FGF14: variants seen among roughly 807,000 people sequenced by gnomAD.
The protein encoded by FGF14 is fibroblast growth factor homologous factor 4.
In FGF14, 5 loss-of-function variants were observed where a neutral mutation model predicts 25.5. The ratio of observed to expected loss-of-function variants is 0.20; its 90% CI spans 0.10 to 0.41. The LOEUF (loss-of-function observed/expected upper bound fraction) is 0.41. Ranked by LOEUF, FGF14 falls within the 10% of genes least tolerant of loss-of-function variation. The probability of loss-of-function intolerance (pLI) is 1.00; values close to 1 mark genes in which losing one functional copy is unlikely to be tolerated. For synonymous variants in FGF14, 138 were observed against 118.3 expected (o/e 1.17, Z -1.08); for missense variants, 222 against 320.1 (o/e 0.69, Z 2.34).
At chr13:101,731,083 G>C (rs925545650) in intron 3 of FGF14, among the ~76,000 whole-genome samples, 1 of 152,136 alleles carries the variant, frequency 6.6e-6, no homozygotes, top group African/African-American at 2.4e-5. Context: ...GGAAGCCTGT[G>C]AGCCTTCAGT....
intron 3 of FGF14, among the ~76,000 whole-genome samples, chr13:101,745,791 G>GA (rs1469234631): frequency 6.6e-6 from 1 of 152,048 alleles, no homozygotes; most frequent in East Asian, 1.9e-4. Context: ...ATGGAGAGAA[G>GA]AGTGGAGTGT....
rs552425445 is a variant in FGF14, at chr13:101,989,272, A to G, written c.209-113976T>C. Reference sequence around the variant, plus strand: ...TAAATTATAAAAAGTTACAATTTTGATTTGTAATTATTAAAAACTCCAATT... The same window carrying G: ...TAAATTATAAAAAGTTACAATTTTGGTTTGTAATTATTAAAAACTCCAATT... On this transcript the variant is annotated intron_variant, in intron 1 of 4. Coordinates refer to the FGF14 transcript ENST00000376131. Among the ~76,000 whole-genome samples the G allele has an allele frequency of 5.3e-5, 8 of 152,118 alleles. No homozygotes were observed. The East Asian group carries it at 9.7e-4, about 18-fold the overall frequency.
intron 3 of FGF14, among the ~76,000 whole-genome samples, chr13:101,806,482 T>TG (rs2041212865): frequency 6.6e-6 from 1 of 151,954 alleles, no homozygotes; most frequent in African/African-American, 2.4e-5. Flanking sequence ...AAATTTTTTT[T>TG]TTTGTTTTCA....
In FGF14 at chr13:101,719,806, A is replaced by T. The variant is rs533234331; in HGVS notation, c.*3025T>A. ...AAATGAATTCCATCAGATTTACTAT[A>T]CGGAACATCAGTAGTGACAGATTGC... On this transcript the variant is annotated 3_prime_UTR_variant, in exon 5 of 5. Coordinates refer to ENST00000376143, the MANE Select transcript of FGF14 (RefSeq NM_004115.4). 1.3e-5 allele frequency: 2 copies of T among 152,184 alleles called. No individual in the cohort carries two copies. Among genetic ancestry groups the T allele is most frequent in the South Asian group, 4.1e-4 (2 of 4,826 alleles). The allele number at this position is 152,184 out of a possible 1,614,324, so 9.4% of individuals were successfully genotyped here. A position where few individuals can be genotyped will look rare whatever the true frequency, so the allele number is the denominator to read the frequency against.
intron 1 of FGF14, among the ~76,000 whole-genome samples, chr13:101,979,510 T>C (rs150825584): frequency 6.0e-4 from 91 of 152,268 alleles, no homozygotes; most frequent in African/African-American, 1.9e-3. Context: ...TTTAAGTAAC[T>C]TCCCCTGGGC....
intron 1 of FGF14, among the ~76,000 whole-genome samples, chr13:102,287,902 C>T (rs936635331): frequency 6.6e-6 from 1 of 152,140 alleles, no homozygotes; most frequent in Non-Finnish European, 1.5e-5. Flanking sequence ...CAGTGCCTGG[C>T]ACACAGTAGG....
intron 1 of FGF14, among the ~76,000 whole-genome samples, chr13:102,157,907 G>C (rs1443181392): frequency 6.6e-6 from 1 of 152,064 alleles, no homozygotes; most frequent in African/African-American, 2.4e-5. Flanking sequence ...GCAGCCAAAA[G>C]ACACATGAAA....
At chr13:102,065,739 T>A (rs984723740) in intron 1 of FGF14, among the ~76,000 whole-genome samples, 8 of 151,916 alleles carry the variant, frequency 5.3e-5, no homozygotes, top group African/African-American at 1.9e-4. Flanking sequence ...ACCTAGACAA[T>A]TGTCCAAATG....
At chr13:102,216,176 T>C (rs1042823866) in intron 1 of FGF14, among the ~76,000 whole-genome samples, 1 of 152,196 alleles carries the variant, frequency 6.6e-6, no homozygotes, top group African/African-American at 2.4e-5. Context: ...TGCCTGCCTC[T>C]CAATCCAGAG....
At chr13:101,859,546 T>G (rs2140404955) in intron 3 of FGF14, among the ~76,000 whole-genome samples, 1 of 152,264 alleles carries the variant, frequency 6.6e-6, no homozygotes. Context: ...AATATACACT[T>G]TGATACCAAG....
chr13:102,246,819 T>C (rs2051897266), intron 1 of FGF14, among the ~76,000 whole-genome samples: 1 of 151,678 alleles, frequency 6.6e-6, no homozygotes, highest in Non-Finnish European at 1.5e-5. Context: ...AACTGGAGGC[T>C]TCACGTAACC....
At chr13:101,870,204 G>A (rs1439253358) in intron 2 of FGF14, among the ~76,000 whole-genome samples, 3 of 151,630 alleles carry the variant, frequency 2.0e-5, no homozygotes, top group Non-Finnish European at 4.4e-5. Context: ...AAATATAGAT[G>A]TGGAGTTGTT....
rs531625893 is a variant in FGF14, at chr13:101,741,775, C to T, written c.409-14965G>A. ...GATCTGGTTTCATAGATTAGTTCTT[C>T]TATTCACTTGGTCAGTCCAGTTTGC... On this transcript the variant is annotated intron_variant, in intron 3 of 4. Coordinates refer to ENST00000376143, the MANE Select transcript of FGF14 (RefSeq NM_004115.4). 7.6e-4 allele frequency among the ~76,000 whole-genome samples: 116 copies of T among 152,232 alleles called. 2 individuals are homozygous for T. The highest frequency in any genetic ancestry group is 2.6e-3 in the African/African-American group (110 of 41,540).
intron 1 of FGF14, chr13:102,046,008 T>C (rs1018926363): frequency 6.5e-6 from 1 of 154,450 alleles, no homozygotes; most frequent in African/African-American, 2.4e-5. Flanking sequence ...TTGTGAGGGT[T>C]AGAGAAGTGG....
intron 1 of FGF14, among the ~76,000 whole-genome samples, chr13:102,077,604 G>A (rs1054434155): frequency 3.3e-5 from 5 of 152,094 alleles, no homozygotes; most frequent in African/African-American, 1.2e-4. Context: ...CCACACACCT[G>A]TTATTTTGGT....
intron 1 of FGF14, among the ~76,000 whole-genome samples, chr13:101,889,169 T>C (rs1594618634): frequency 1.3e-5 from 2 of 152,264 alleles, no homozygotes; most frequent in Non-Finnish European, 2.9e-5. Context: ...ATTTCTGTTA[T>C]TGAAGCCACC....
chr13:102,233,472 C>T (rs925932010), intron 1 of FGF14, among the ~76,000 whole-genome samples: 3 of 152,058 alleles, frequency 2.0e-5, no homozygotes, highest in African/African-American at 7.2e-5. Flanking sequence ...CTAGCTTCCC[C>T]CACTGGAATG....
intron 1 of FGF14, among the ~76,000 whole-genome samples, chr13:102,343,215 G>A (rs770938802): frequency 6.6e-6 from 1 of 152,124 alleles, no homozygotes; most frequent in Non-Finnish European, 1.5e-5. Context: ...TAAGAGCTTA[G>A]GGTCTAAGAG....
At chr13:102,395,676 CTATTT>C (rs1405889482) in intron 1 of FGF14, 1 of 152,154 alleles carries the variant, frequency 6.6e-6, no homozygotes, top group Non-Finnish European at 1.5e-5. Flanking sequence ...CTATTTTTCA[CTATTT>C]TATTAAAGTG....
Sources: allele counts gnomAD v4.1 joint callset (sites outside exome capture counted in the v4.1 genomes callset), GRCh38; gene constraint gnomAD v4.1.1; transcripts MANE v1.5; gene names NCBI Gene and HGNC (gene_info 2026-07-23, HGNC 2026-07-21).